PDE7B: variants seen among roughly 807,000 people sequenced by gnomAD.
The protein encoded by PDE7B is phosphodiesterase 7B, also known as 3',5'-cyclic-AMP phosphodiesterase 7B.
Under a neutral mutation model 56.2 loss-of-function variants are expected in PDE7B, and 29 were observed. That is an observed-to-expected ratio of 0.52 (90% CI 0.38 to 0.70). The LOEUF (loss-of-function observed/expected upper bound fraction) is 0.70, where lower values mean the gene tolerates loss of function less well. Among genes scored for constraint, PDE7B ranks in the 30% least tolerant of loss-of-function variants. PDE7B has a pLI of 0.00. For synonymous variants in PDE7B, 197 were observed against 196.9 expected (o/e 1.00, Z 0.00); for missense variants, 490 against 565.0 (o/e 0.87, Z 1.35).
intron 2 of PDE7B, among the ~76,000 whole-genome samples, chr6:136,010,207 G>C (rs1775867462): frequency 6.6e-6 from 1 of 152,046 alleles, no homozygotes; most frequent in Non-Finnish European, 1.5e-5. Flanking sequence ...TAATTTCCAT[G>C]TAATTGCATG....
chr6:136,125,586 T>C (rs117923178), intron 3 of PDE7B, among the ~76,000 whole-genome samples: 1 of 151,568 alleles, frequency 6.6e-6, no homozygotes, highest in Non-Finnish European at 1.5e-5. Context: ...AATAAATAAA[T>C]AAAGAATACA....
rs560402126 is a variant in PDE7B, at chr6:136,101,798, G to C, written c.83-6933G>C. 2.6e-5 allele frequency among the ~76,000 whole-genome samples: 4 copies of C among 152,286 alleles called. No individual in the cohort carries two copies. In the South Asian group the frequency reaches 6.2e-4, roughly 24 times the overall value. ...TGTAGTCTAACCTGCACCACTAGGG[G>C]TTCATGGGTCCCGAGCTGTGGTCCA... On this transcript the variant is annotated intron_variant, in intron 2 of 12. Transcript: ENST00000308191.
intron 1 of PDE7B, among the ~76,000 whole-genome samples, chr6:135,891,944 A>G (rs1231916248): frequency 6.6e-6 from 1 of 152,106 alleles, no homozygotes; most frequent in Non-Finnish European, 1.5e-5. Flanking sequence ...ACTCCAGTCC[A>G]CAGCTAGAAG....
chr6:136,134,458 ACT>A (rs1398857844), intron 3 of PDE7B, among the ~76,000 whole-genome samples: 1 of 151,854 alleles, frequency 6.6e-6, no homozygotes, highest in Non-Finnish European at 1.5e-5. Context: ...AACATTTCAA[ACT>A]CTGAGAAGCG....
intron 2 of PDE7B, among the ~76,000 whole-genome samples, chr6:135,977,659 C>G (rs77719889): frequency 0.029 from 4,400 of 152,128 alleles, 210 homozygotes; most frequent in African/African-American, 0.099. Context: ...TAAGAGCTGC[C>G]TAGGCCAAGA....
At chr6:135,986,120 A>G (rs1374538677) in intron 2 of PDE7B, among the ~76,000 whole-genome samples, 13 of 152,192 alleles carry the variant, frequency 8.5e-5, no homozygotes, top group Non-Finnish European at 4.4e-5. Context: ...TAGAACTATC[A>G]CATTACTGAA....
chr6:136,050,289 C>A lies in PDE7B; in HGVS notation c.83-58442C>A, dbSNP rs75707047. On this transcript the variant is annotated intron_variant, in intron 2 of 12. Coordinates refer to ENST00000308191, the MANE Select transcript of PDE7B (RefSeq NM_018945.4). ...TAAACCTACATGTGATATGTATACA[C>A]ACATTTTTCTTGTTTCCAAACTTAG... 2.9e-3 allele frequency among the ~76,000 whole-genome samples: 436 copies of A among 152,140 alleles called. 1 individual carries two copies. The highest frequency in any genetic ancestry group is 9.8e-3 in the African/African-American group (405 of 41,502).
In PDE7B at chr6:135,960,240, A is replaced by G. The variant is rs150207976; in HGVS notation, c.82+12716A>G. Among the ~76,000 whole-genome samples the G allele has an allele frequency of 1.6e-3, 241 of 152,302 alleles. 1 individual carries two copies. In the East Asian group the frequency reaches 0.028, roughly 17 times the overall value. ...AAATTTGTGTAAATTTCTAGGACAT[A>G]ACAATAAATAAAGGATTTTTTCCCT... On this transcript the variant is annotated intron_variant, in intron 2 of 12. Transcript: ENST00000308191.
rs559727341 is a variant in PDE7B, at chr6:135,898,444, C to T, written c.21+46425C>T. On this transcript the variant is annotated intron_variant, in intron 1 of 12. Coordinates refer to ENST00000308191, the MANE Select transcript of PDE7B (RefSeq NM_018945.4). Reference sequence around the variant, plus strand: ...ATATAAGAAAATAGTGACCTGTAATCATGTCCCCCAGAGACAGAATATTTT... The same window carrying T: ...ATATAAGAAAATAGTGACCTGTAATTATGTCCCCCAGAGACAGAATATTTT... Among the ~76,000 whole-genome samples the T allele has an allele frequency of 2.6e-5, 4 of 152,134 alleles. No individual in the cohort carries two copies. The East Asian group carries it at 7.7e-4, about 29-fold the overall frequency.
chr6:136,120,778 G>A (rs542406324), intron 3 of PDE7B, among the ~76,000 whole-genome samples: 3 of 152,118 alleles, frequency 2.0e-5, no homozygotes, highest in Non-Finnish European at 4.4e-5. Context: ...CTGGCCACCA[G>A]CAGTCAATGT....
chr6:135,897,289 G>T (rs1036478818), intron 1 of PDE7B, among the ~76,000 whole-genome samples: 5 of 145,590 alleles, frequency 3.4e-5, no homozygotes, highest in African/African-American at 1.3e-4. Context: ...TGTGTGTGTG[G>T]GTATGTGTGT....
intron 2 of PDE7B, among the ~76,000 whole-genome samples, chr6:135,969,345 T>C (rs1775052384): frequency 6.6e-6 from 1 of 152,172 alleles, no homozygotes; most frequent in South Asian, 2.1e-4. Flanking sequence ...AATAGCTTTG[T>C]AATATACATT....
At chr6:136,032,213 C>T (rs1393179385) in intron 2 of PDE7B, among the ~76,000 whole-genome samples, 1 of 152,098 alleles carries the variant, frequency 6.6e-6, no homozygotes, top group Non-Finnish European at 1.5e-5. Context: ...CAGTAGGGGG[C>T]CTGAAGATAC....
At chr6:135,903,467 T>G (rs1259385501) in intron 1 of PDE7B, among the ~76,000 whole-genome samples, 1 of 152,164 alleles carries the variant, frequency 6.6e-6, no homozygotes, top group Admixed American at 6.5e-5. Context: ...TGAGCTAGAA[T>G]GAGGGGCACA....
chr6:135,860,264 T>C (rs1247722165), intron 1 of PDE7B, among the ~76,000 whole-genome samples: 2 of 152,060 alleles, frequency 1.3e-5, no homozygotes, highest in African/African-American at 4.8e-5. Flanking sequence ...GCTGACAGTT[T>C]TTAATTGTTT....
intron 3 of PDE7B, among the ~76,000 whole-genome samples, chr6:136,134,671 A>G (rs1320616687): frequency 7.2e-6 from 1 of 139,272 alleles, no homozygotes; most frequent in Non-Finnish European, 1.5e-5. Flanking sequence ...TAGTTTTCCA[A>G]CCAACCCTGA....
At chr6:136,108,844 C>G (rs1033562673) in intron 3 of PDE7B, 30 bp downstream of exon 3, 1 of 1,278,888 alleles carries the variant, frequency 7.8e-7, no homozygotes, top group Non-Finnish European at 1.1e-6. Context: ...TGGAAAGGAA[C>G]AAACGTTTTC....
chr6:136,191,922 A>G lies in PDE7B; in HGVS notation c.*82A>G, dbSNP rs539030705. 63 of 1,029,240 alleles carry G rather than the reference A, an allele frequency of 6.1e-5. No individual in the cohort carries two copies. In the South Asian group the frequency reaches 8.3e-4, roughly 14 times the overall value. The allele number at this position is 1,029,240 out of a possible 1,614,324, so 63.8% of individuals were successfully genotyped here. A position where few individuals can be genotyped will look rare whatever the true frequency, so the allele number is the denominator to read the frequency against. On this transcript the variant is annotated 3_prime_UTR_variant, in exon 13 of 13. Coordinates refer to ENST00000308191, the MANE Select transcript of PDE7B (RefSeq NM_018945.4). Reference sequence around the variant, plus strand: ...CAGCGTGGAGGGGCCCTCACGCAGCAGCCCAGCCACTTTCTGAGTGTTGTC... The same window carrying G: ...CAGCGTGGAGGGGCCCTCACGCAGCGGCCCAGCCACTTTCTGAGTGTTGTC...
chr6:135,990,459 C>A (rs75717404), intron 2 of PDE7B, among the ~76,000 whole-genome samples: 4,559 of 152,208 alleles, frequency 0.03, 221 homozygotes, highest in African/African-American at 0.1. Context: ...AGACCATGAG[C>A]TTTGGGTTCT....
Sources: allele counts gnomAD v4.1 joint callset (sites outside exome capture counted in the v4.1 genomes callset), GRCh38; gene constraint gnomAD v4.1.1; transcripts MANE v1.5; gene names NCBI Gene and HGNC (gene_info 2026-07-23, HGNC 2026-07-21).